Variants in GNAQ observed in about 807,000 individuals in gnomAD.
GNAQ encodes G protein subunit alpha q.
A neutral mutation model predicts 43.9 loss-of-function variants in GNAQ; 8 were observed. The ratio of observed to expected loss-of-function variants is 0.18; its 90% confidence interval spans 0.11 to 0.33. The LOEUF (loss-of-function observed/expected upper bound fraction) is 0.33. Among genes scored for constraint, GNAQ ranks in the 10% least tolerant of loss-of-function variants. GNAQ has a pLI of 1.00. For missense variants in GNAQ, 158 were observed against 450.8 expected, an observed-to-expected ratio of 0.35 and a Z score of 5.88; for synonymous variants, 155 against 170.7, an observed-to-expected ratio of 0.91 and a Z score of 0.71.
intron 5 of GNAQ, among the ~76,000 whole-genome samples, chr9:77,787,294 T>C (rs756035561): frequency 6.6e-6 from 1 of 152,198 alleles, no homozygotes; most frequent in Non-Finnish European, 1.5e-5. Context: ...CCTGAGTGAA[T>C]AGTGGCTACC....
intron 2 of GNAQ, among the ~76,000 whole-genome samples, chr9:77,871,077 T>G (rs1401157208): frequency 6.6e-6 from 1 of 152,214 alleles, no homozygotes; most frequent in Non-Finnish European, 1.5e-5. Context: ...CAGTGTACAC[T>G]GGAAAAGGCA....
chr9:77,978,798 G>A (rs1384535665), intron 1 of GNAQ, among the ~76,000 whole-genome samples: 5 of 152,150 alleles, frequency 3.3e-5, no homozygotes, highest in Admixed American at 2.0e-4. Flanking sequence ...AGTGGCTCAC[G>A]CCTATAATCC....
At chr9:77,748,753 A>T (rs1471388688) in intron 5 of GNAQ, among the ~76,000 whole-genome samples, 1 of 152,256 alleles carries the variant, frequency 6.6e-6, no homozygotes, top group Non-Finnish European at 1.5e-5. Context: ...TAGCACAGCA[A>T]GAACATGACA....
intron 1 of GNAQ, among the ~76,000 whole-genome samples, chr9:77,940,777 C>T (rs1056785849): frequency 2.0e-5 from 3 of 151,994 alleles, no homozygotes; most frequent in Non-Finnish European, 4.4e-5. Flanking sequence ...ACCATCCTGG[C>T]TAACACGGTG....
intron 5 of GNAQ, among the ~76,000 whole-genome samples, chr9:77,783,175 A>C (rs1270324453): frequency 6.6e-6 from 1 of 152,234 alleles, no homozygotes; most frequent in Non-Finnish European, 1.5e-5. Flanking sequence ...CATGAATTGT[A>C]ACAAATTTGT....
chr9:77,801,674 C>A (rs1221627220), intron 3 of GNAQ, among the ~76,000 whole-genome samples: 1 of 152,188 alleles, frequency 6.6e-6, no homozygotes, highest in Non-Finnish European at 1.5e-5. Context: ...GGAACTGTAT[C>A]TAGCTCTGCT....
At chr9:77,762,129 T>C (rs1464634757) in intron 5 of GNAQ, among the ~76,000 whole-genome samples, 19 of 84,198 alleles carry the variant, frequency 2.3e-4, no homozygotes, top group East Asian at 7.5e-4. Context: ...AGGTGGGGGG[T>C]CAGCCCCCTG....
intron 2 of GNAQ, among the ~76,000 whole-genome samples, chr9:77,856,279 T>A (rs2117953515): frequency 6.6e-6 from 1 of 152,312 alleles, no homozygotes; most frequent in Non-Finnish European, 1.5e-5. Context: ...AGCTGGTTCC[T>A]ATGAAAGCCA....
chr9:77,849,157 C>T (rs1274223312), intron 2 of GNAQ, among the ~76,000 whole-genome samples: 1 of 152,070 alleles, frequency 6.6e-6, no homozygotes, highest in African/African-American at 2.4e-5. Flanking sequence ...CCTGCTCCAG[C>T]CGACAGCAAA....
chr9:77,976,236 G>C (rs898329592), intron 1 of GNAQ, among the ~76,000 whole-genome samples: 8 of 152,196 alleles, frequency 5.3e-5, no homozygotes, highest in African/African-American at 1.7e-4. Context: ...ACAAAGTAAA[G>C]TGCCCAGTAA....
intron 5 of GNAQ, among the ~76,000 whole-genome samples, chr9:77,761,982 T>C (rs1393697372): frequency 2.6e-5 from 3 of 114,700 alleles, no homozygotes; most frequent in Admixed American, 8.6e-5. Flanking sequence ...AGCCGCCCCG[T>C]CCGGGAGGTG....
intron 2 of GNAQ, among the ~76,000 whole-genome samples, chr9:77,897,440 C>T (rs187941845): frequency 6.6e-6 from 1 of 152,252 alleles, no homozygotes; most frequent in South Asian, 2.1e-4. Flanking sequence ...GAGAGGTGGC[C>T]AACTTCGAAA....
chr9:77,907,059 GA>G (rs1828721389), intron 2 of GNAQ, among the ~76,000 whole-genome samples: 1 of 151,962 alleles, frequency 6.6e-6, no homozygotes, highest in Non-Finnish European at 1.5e-5. Flanking sequence ...TTGAGAAAAA[GA>G]AAAAAGGATC....
Position 77,729,840 on chromosome 9 carries a change from G to C in GNAQ, c.736-1173C>G, listed in dbSNP as rs568266539. On this transcript the variant is annotated intron_variant, in intron 5 of 6. Transcript: ENST00000286548. ...CCAGAGCATCCTAGTTTCCTGCCAT[G>C]TGAGCTGGCTTGGGGCTGGGCTCTG... Among the ~76,000 whole-genome samples, 13 of 152,332 alleles carry C rather than the reference G, an allele frequency of 8.5e-5. No homozygotes were observed. The South Asian group carries it at 2.7e-3, about 32-fold the overall frequency.
intron 1 of GNAQ, among the ~76,000 whole-genome samples, chr9:78,022,634 G>C (rs548322435): frequency 6.6e-6 from 1 of 152,180 alleles, no homozygotes; most frequent in Non-Finnish European, 1.5e-5. Context: ...ACAGAGACAA[G>C]AGAGTTAAAC....
chr9:77,890,580 G>A (rs1054787432), intron 2 of GNAQ, among the ~76,000 whole-genome samples: 4 of 152,000 alleles, frequency 2.6e-5, no homozygotes, highest in Non-Finnish European at 4.4e-5. Context: ...AAAATTAGCC[G>A]GGCGTGGTGG....
intron 1 of GNAQ, among the ~76,000 whole-genome samples, chr9:77,934,338 C>T (rs1829200834): frequency 1.3e-5 from 2 of 152,108 alleles, no homozygotes; most frequent in African/African-American, 4.8e-5. Flanking sequence ...AGAACGTCAC[C>T]TAGTATTTAG....
chr9:77,914,015 A>G (rs2118229988), intron 2 of GNAQ, among the ~76,000 whole-genome samples: 1 of 152,174 alleles, frequency 6.6e-6, no homozygotes, highest in East Asian at 1.9e-4. Context: ...TAGAAAGGCA[A>G]TATGGCATGC....
Position 77,718,708 on chromosome 9 carries a change from T to C in GNAQ, c.*2615A>G, listed in dbSNP as rs1825261753. 1.4e-5 allele frequency: 3 copies of C among 219,508 alleles called. No homozygotes were observed. Among genetic ancestry groups the C allele is most frequent in the Admixed American group, 6.0e-5 (1 of 16,566 alleles). The allele number at this position is 219,508 out of a possible 1,614,324, so 13.6% of individuals were successfully genotyped here. ...GTTTTCTCTATACACACTGTAGGCC[T>C]TCAAATGTTGTTGTTTAATTTTTTT... On this transcript the variant is annotated 3_prime_UTR_variant, in exon 7 of 7. Transcript: ENST00000286548.
Sources: gnomAD v4.1 joint callset for allele counts (sites outside exome capture counted in the v4.1 genomes callset) on GRCh38, gnomAD v4.1.1 for gene constraint, MANE v1.5 for transcripts, NCBI Gene and HGNC (gene_info 2026-07-23, HGNC 2026-07-21) for gene names.